Variants in FOXP2 observed in about 807,000 individuals in gnomAD.
FOXP2 encodes the protein forkhead box P2, also known as forkhead box protein P2.
In FOXP2, 12 loss-of-function variants were observed where a neutral mutation model predicts 115.8. The observed-to-expected ratio is 0.10, with a 90% CI of 0.07 to 0.17. FOXP2 has a LOEUF of 0.17. Ranked by LOEUF, FOXP2 falls within the 10% of genes least tolerant of loss-of-function variation. The pLI is 1.00. For synonymous variants in FOXP2, 328 were observed against 297.7 expected, an observed-to-expected ratio of 1.10 and a Z score of -1.05; for missense variants, 629 against 843.5, an observed-to-expected ratio of 0.75 and a Z score of 3.15.
At chr7:114,270,900 G>A (rs1796017572) in intron 1 of FOXP2, among the ~76,000 whole-genome samples, 1 of 151,696 alleles carries the variant, frequency 6.6e-6, no homozygotes, top group Admixed American at 6.6e-5. Flanking sequence ...AGGTCATCTA[G>A]GATTTCTATA....
chr7:114,361,628 A>T (rs535619034), intron 2 of FOXP2, among the ~76,000 whole-genome samples: 3 of 152,122 alleles, frequency 2.0e-5, no homozygotes, highest in African/African-American at 7.2e-5. Flanking sequence ...AAATACTTTT[A>T]TATAGCAATT....
Position 114,454,462 on chromosome 7 carries a change from G to A in FOXP2, c.168+27783G>A, listed in dbSNP as rs1437783985. On this transcript the variant is annotated intron_variant, in intron 2 of 16. Coordinates refer to ENST00000350908, the MANE Select transcript of FOXP2 (RefSeq NM_014491.4). ...CAACCATTGTGGAAGTCAGTGTGGC[G>A]ATTCCTCAGGGATCTAGAACTAGAA... Among the ~76,000 whole-genome samples, 287 of 151,792 alleles carry A rather than the reference G, an allele frequency of 1.9e-3. 1 individual carries two copies. Among genetic ancestry groups the A allele is most frequent in the Non-Finnish European group, 3.5e-3 (237 of 67,916 alleles).
intron 1 of FOXP2, among the ~76,000 whole-genome samples, chr7:114,152,304 C>T (rs1792548614): frequency 6.6e-6 from 1 of 151,982 alleles, no homozygotes; most frequent in South Asian, 2.1e-4. Context: ...GTAAAATAGT[C>T]TATTATGTAC....
At chr7:114,266,082 A>C (rs1795887879) in intron 1 of FOXP2, among the ~76,000 whole-genome samples, 1 of 151,918 alleles carries the variant, frequency 6.6e-6, no homozygotes, top group Non-Finnish European at 1.5e-5. Flanking sequence ...GAAAAAAAAA[A>C]CAAAAAACTG....
chr7:114,589,557 T>C (rs1303390344), intron 3 of FOXP2, among the ~76,000 whole-genome samples: 5 of 152,160 alleles, frequency 3.3e-5, no homozygotes, highest in Admixed American at 3.3e-4. Flanking sequence ...TCCACCCATA[T>C]TGGGTGCTTT....
rs912975528 is a variant in FOXP2 at position 114,630,064 on chromosome 7, C to T, written c.597+59C>T. ...TTTGCAGTTAAGAAGGGGCTTTGAG[C>T]GGCAAGAATAGTCTTAGATCTTCCT... On this transcript the variant is annotated intron_variant, in intron 5 of 16. Transcript: ENST00000350908. 26 of 1,600,924 alleles carry T rather than the reference C, an allele frequency of 1.6e-5. 1 individual carries two copies. The highest frequency in any genetic ancestry group is 1.6e-4 in the African/African-American group (12 of 74,854).
chr7:114,665,644 T>C (rs1250956156), intron 16 of FOXP2: 1 of 152,152 alleles, frequency 6.6e-6, no homozygotes, highest in Non-Finnish European at 1.5e-5. Context: ...ATGTGTTTTA[T>C]CAGGTTCCGA....
upstream of FOXP2, among the ~76,000 whole-genome samples, chr7:114,161,811 C>G (rs1407138198): frequency 6.6e-6 from 1 of 152,082 alleles, no homozygotes; most frequent in Non-Finnish European, 1.5e-5. Flanking sequence ...GGGTCTCACT[C>G]TGTTGCCCAG....
intron 2 of FOXP2, among the ~76,000 whole-genome samples, chr7:114,446,554 T>C (rs903357004): frequency 6.6e-6 from 1 of 152,042 alleles, no homozygotes; most frequent in Non-Finnish European, 1.5e-5. Flanking sequence ...CTGATTTATA[T>C]ATAATCATTC....
intron 2 of FOXP2, among the ~76,000 whole-genome samples, chr7:114,381,810 C>A (rs2129191927): frequency 6.6e-6 from 1 of 152,202 alleles, no homozygotes; most frequent in South Asian, 2.1e-4. Context: ...AGGTCCTTTA[C>A]AATCTTTTGG....
chr7:114,514,436 G>A (rs1342162547), intron 2 of FOXP2, among the ~76,000 whole-genome samples: 1 of 149,586 alleles, frequency 6.7e-6, no homozygotes, highest in Non-Finnish European at 1.5e-5. Context: ...CTAGCCTCTG[G>A]TAACCACCAT....
At chr7:114,517,493 G>A (rs1367585654) in intron 2 of FOXP2, among the ~76,000 whole-genome samples, 2 of 152,104 alleles carry the variant, frequency 1.3e-5, no homozygotes, top group South Asian at 4.1e-4. Context: ...GTTGTTTATG[G>A]TGTGAGATGA....
At position 114,108,647 on chromosome 7, in the gene FOXP2, A is replaced by G. The variant is rs184212832; in HGVS notation, c.-247+20809A>G. 8.5e-5 allele frequency among the ~76,000 whole-genome samples: 13 copies of G among 152,066 alleles called. No homozygotes were observed. The East Asian group carries it at 2.1e-3, about 25-fold the overall frequency. ...CATAAGTTTAAGATAACCTTTTTAC[A>G]TACACTTTCATTAGCACTATTAGTT... On this transcript the variant is annotated intron_variant, in intron 1 of 19. Transcript: ENST00000635638.
At chr7:114,426,833 G>A (rs1793876370) in intron 2 of FOXP2, among the ~76,000 whole-genome samples, 154 bp downstream of exon 2, 1 of 151,768 alleles carries the variant, frequency 6.6e-6, no homozygotes, top group Admixed American at 6.6e-5. Context: ...GATGAGTAAA[G>A]AGATAAGATT....
chr7:114,502,492 G>A (rs180903014), intron 2 of FOXP2, among the ~76,000 whole-genome samples: 10 of 152,146 alleles, frequency 6.6e-5, no homozygotes, highest in Admixed American at 5.9e-4. Flanking sequence ...AATTTTTATG[G>A]AAGGCTGAAA....
chr7:114,090,810 G>A (rs1799526903), intron 1 of FOXP2, among the ~76,000 whole-genome samples: 2 of 151,064 alleles, frequency 1.3e-5, no homozygotes, highest in Non-Finnish European at 3.0e-5. Context: ...TACATTCTTG[G>A]AACTTTTTTT....
At chr7:114,306,349 A>C (rs1051826097) in intron 2 of FOXP2, among the ~76,000 whole-genome samples, 6 of 152,142 alleles carry the variant, frequency 3.9e-5, no homozygotes, top group Non-Finnish European at 8.8e-5. Context: ...TCCTGTGCAC[A>C]CACAGGATAT....
At chr7:114,622,165 T>C (rs908627674) in intron 3 of FOXP2, among the ~76,000 whole-genome samples, 6 of 151,934 alleles carry the variant, frequency 3.9e-5, no homozygotes, top group Non-Finnish European at 8.8e-5. Flanking sequence ...CTACTGTTCA[T>C]TTTATGTGCA....
At chr7:114,412,627 T>C (rs1321796653), upstream of FOXP2, among the ~76,000 whole-genome samples, 1 of 152,148 alleles carries the variant, frequency 6.6e-6, no homozygotes, top group Admixed American at 6.6e-5. Flanking sequence ...GTTAATGTCA[T>C]TGTAACCAGC....
Sources: gnomAD v4.1 joint callset for allele counts (sites outside exome capture counted in the v4.1 genomes callset) on GRCh38, gnomAD v4.1.1 for gene constraint, MANE v1.5 for transcripts, NCBI Gene and HGNC (gene_info 2026-07-23, HGNC 2026-07-21) for gene names.